The following KLRF2 variants were observed in gnomAD, a reference collection of about 807,000 sequenced individuals.
The protein encoded by KLRF2 is killer cell lectin-like receptor subfamily F member 2.
In KLRF2, 28 loss-of-function variants were observed where a neutral mutation model predicts 25.3. That is an observed-to-expected ratio of 1.11 (90% CI 0.82 to 1.52). KLRF2 has a LOEUF of 1.52. Among genes scored for constraint, KLRF2 ranks in the 40% most tolerant of loss-of-function variants. KLRF2 has a pLI of 0.00. For synonymous variants in KLRF2, 73 were observed against 85.0 expected, an observed-to-expected ratio of 0.86 and a Z score of 0.78; for missense variants, 265 against 245.8, an observed-to-expected ratio of 1.08 and a Z score of -0.52.
chr12:9,895,814 A>T lies in KLRF2; in HGVS notation c.605A>T (p.Asn202Ile). 1 of 1,535,116 alleles carries T rather than the reference A, an allele frequency of 6.5e-7. No individual in the cohort carries two copies. The highest frequency in any genetic ancestry group is 2.0e-5 in the Admixed American group (1 of 50,816). Residue 202 changes from asparagine (N) to isoleucine (I), a missense_variant, in exon 6 of 6, where the codon AAT becomes ATT. Transcript: ENST00000535540. Reference protein sequence around the residue: ...ICQRDAILTHNGTSGV With the variant: ...ICQRDAILTHIGTSGV Reference sequence around the variant, plus strand: ...CAGAGAGATGCGATCTTGACGCACAATGGAACCAGTGGTGTGTAAATGTAC... The same window carrying T: ...CAGAGAGATGCGATCTTGACGCACATTGGAACCAGTGGTGTGTAAATGTAC...
intron 3 of KLRF2, among the ~76,000 whole-genome samples, chr12:9,891,284 C>T (rs1269497655): frequency 6.6e-6 from 1 of 152,162 alleles, no homozygotes. Context: ...TAAAGAGTTG[C>T]TCAATAAATG....
At chr12:9,892,390 T>C (rs1212475641) in intron 3 of KLRF2, among the ~76,000 whole-genome samples, 1 of 152,050 alleles carries the variant, frequency 6.6e-6, no homozygotes, top group Non-Finnish European at 1.5e-5. Flanking sequence ...AACCAGATAG[T>C]GGAGGAAATT....
intron 2 of KLRF2, among the ~76,000 whole-genome samples, chr12:9,887,812 G>A (rs1247572283): frequency 1.3e-5 from 2 of 151,368 alleles, no homozygotes; most frequent in East Asian, 1.9e-4. Flanking sequence ...AGCACTTTGG[G>A]AGGCCAAGGC....
chr12:9,887,079 A>G (rs1862607287), intron 2 of KLRF2, among the ~76,000 whole-genome samples: 1 of 152,186 alleles, frequency 6.6e-6, no homozygotes, highest in African/African-American at 2.4e-5. Context: ...CTATTTATCC[A>G]GAAAGGTCAA....
chr12:9,892,452 T>A, intron 3 of KLRF2, among the ~76,000 whole-genome samples: 1 of 152,220 alleles, frequency 6.6e-6, no homozygotes, highest in East Asian at 1.9e-4. Flanking sequence ...AAAAATGTTA[T>A]AATTTGCTTC....
chr12:9,882,281 G>A (rs1868102507), intron 1 of KLRF2, among the ~76,000 whole-genome samples: 1 of 152,170 alleles, frequency 6.6e-6, no homozygotes, highest in South Asian at 2.1e-4. Flanking sequence ...TCTGCCATAT[G>A]TATTGAACAT....
chr12:9,882,656 C>T (rs1422538394), intron 1 of KLRF2, among the ~76,000 whole-genome samples: 2 of 151,782 alleles, frequency 1.3e-5, no homozygotes, highest in Non-Finnish European at 2.9e-5. Flanking sequence ...TGGCGTGTGC[C>T]TGTAATCCCA....
chr12:9,895,603 C>T, intron 5 of KLRF2, 86 bp from the exon 6 acceptor site: 1 of 1,266,328 alleles, frequency 7.9e-7, no homozygotes, highest in Non-Finnish European at 1.0e-6. Flanking sequence ...GAAGAATTAC[C>T]TATAAAAGTT....
chr12:9,885,521 C>T (rs1300031764), intron 2 of KLRF2, among the ~76,000 whole-genome samples: 1 of 151,732 alleles, frequency 6.6e-6, no homozygotes, highest in Non-Finnish European at 1.5e-5. Context: ...TAGTGTTTTA[C>T]ATATAACATG....
At chr12:9,883,677 C>T (rs760508826) in intron 1 of KLRF2, among the ~76,000 whole-genome samples, 7 of 152,216 alleles carry the variant, frequency 4.6e-5, no homozygotes, top group Middle Eastern at 3.4e-3. Context: ...GCTTGAACAG[C>T]AGAAATATCT....
chr12:9,895,812 C>CA lies in KLRF2; in HGVS notation c.605dup (p.Asn202LysfsTer?). ...GCCAGAGAGATGCGATCTTGACGCA[C>CA]AATGGAACCAGTGGTGTGTAAATGT... On this transcript the variant is annotated frameshift_variant, in exon 6 of 6. Coordinates refer to ENST00000535540, the MANE Select transcript of KLRF2 (RefSeq NM_001190765.1). LOFTEE classifies it high-confidence loss of function. 6.5e-7 allele frequency: 1 copy of CA among 1,534,798 alleles called. No individual in the cohort carries two copies. The highest frequency in any genetic ancestry group is 8.7e-7 in the Non-Finnish European group (1 of 1,146,424).
intron 3 of KLRF2, among the ~76,000 whole-genome samples, chr12:9,891,234 T>A (rs1420857090): frequency 1.3e-5 from 2 of 149,830 alleles, no homozygotes; most frequent in Non-Finnish European, 3.0e-5. Context: ...TATGTGTATG[T>A]TGTTATTATT....
At chr12:9,884,825 T>C in intron 1 of KLRF2, 109 bp from the exon 2 acceptor site, 1 of 398,186 alleles carries the variant, frequency 2.5e-6, no homozygotes, top group Non-Finnish European at 4.4e-6. Flanking sequence ...TAATCATAAA[T>C]TCTAATGACA....
chr12:9,883,654 T>A (rs1435878584), intron 1 of KLRF2, among the ~76,000 whole-genome samples: 1 of 152,216 alleles, frequency 6.6e-6, no homozygotes, highest in Non-Finnish European at 1.5e-5. Flanking sequence ...TAAGTAGAAG[T>A]CTTTCCATAT....
intron 2 of KLRF2, among the ~76,000 whole-genome samples, chr12:9,888,494 A>G (rs977430424): frequency 1.3e-4 from 20 of 152,054 alleles, no homozygotes; most frequent in East Asian, 7.7e-4. Flanking sequence ...TGTCTCAAAA[A>G]AAAAATAAAA....
At chr12:9,893,397 A>C in intron 4 of KLRF2, 32 bp from the exon 5 acceptor site, 1 of 1,074,096 alleles carries the variant, frequency 9.3e-7, no homozygotes. Flanking sequence ...TTTTAAACAA[A>C]TGAATGAATA....
rs773604327 is a variant in KLRF2, at chr12:9,884,932, A to G, written c.71-2A>G. On this transcript the variant is annotated splice_acceptor_variant, in intron 1 of 5. Transcript: ENST00000535540. LOFTEE classifies it high-confidence loss of function. ...CAAGAATTCTAAAATTCAACATTTC[A>G]GATTTCTCCCTATATCCACAATATT... The G allele has an allele frequency of 2.3e-5, 25 of 1,089,316 alleles. No individual in the cohort carries two copies. In the South Asian group the frequency reaches 5.4e-4, roughly 23 times the overall value. 67.5% of individuals were successfully genotyped at this position (1,089,316 alleles called of 1,614,324 possible). A position where few individuals can be genotyped will look rare whatever the true frequency, so the allele number is the denominator to read the frequency against.
rs763519857 is a variant in KLRF2 at position 9,893,497 on chromosome 12, G to A, written c.435G>A (p.Gly145=). The change falls in exon 5 of 6, where the codon GGG becomes GGA. Residue 145 remains glycine, a synonymous_variant. Transcript: ENST00000535540. ...TTGGACTATATGTTACATTCCAAGG[G>A]AACCTATGGATGTGGATAGATGAAC... ...GWIGLYVTFQ[G]NLWMWIDEHF... is the part of the protein sequence containing the mutation. The A allele has an allele frequency of 1.6e-5, 24 of 1,524,106 alleles. No individual in the cohort carries two copies. In the South Asian group the frequency reaches 2.9e-4, roughly 18 times the overall value. The allele number at this position is 1,524,106 out of a possible 1,614,324, so 94.4% of individuals were successfully genotyped here.
At chr12:9,882,576 G>A (rs1412933165) in intron 1 of KLRF2, among the ~76,000 whole-genome samples, 3 of 152,008 alleles carry the variant, frequency 2.0e-5, no homozygotes, top group Non-Finnish European at 4.4e-5. Context: ...TCAGGAATTC[G>A]AGACCAGCCT....
Sources: gnomAD v4.1 joint callset for allele counts (sites outside exome capture counted in the v4.1 genomes callset) on GRCh38, gnomAD v4.1.1 for gene constraint, MANE v1.5 for transcripts, NCBI Gene and HGNC (gene_info 2026-07-23, HGNC 2026-07-21) for gene names.